The following GALNT14 variants were observed in gnomAD, a reference collection of about 807,000 sequenced individuals.
GALNT14 encodes UDP-GalNAc:polypeptide N-acetylgalactosaminyltransferase 14.
Under a neutral mutation model 77.5 loss-of-function variants are expected in GALNT14, and 60 were observed. That is an observed-to-expected ratio of 0.77 (90% CI 0.63 to 0.96). The LOEUF (loss-of-function observed/expected upper bound fraction) is 0.96, where lower values mean the gene tolerates loss of function less well. GALNT14 is among the 40% of genes least tolerant of loss of function. The pLI is 0.00. For synonymous variants in GALNT14, 280 were observed against 281.7 expected (o/e 0.99, Z 0.06); for missense variants, 710 against 731.0 (o/e 0.97, Z 0.33).
chr2:31,111,519 C>A (rs781351175), intron 1 of GALNT14, among the ~76,000 whole-genome samples: 1 of 152,076 alleles, frequency 6.6e-6, no homozygotes, highest in African/African-American at 2.4e-5. Context: ...CCTATAAGCC[C>A]CCTGTGTGGC....
chr2:31,037,797 G>T (rs969360329), intron 1 of GALNT14, among the ~76,000 whole-genome samples: 53 of 151,770 alleles, frequency 3.5e-4, no homozygotes, highest in Non-Finnish European at 2.9e-5. Flanking sequence ...AGACTTCGCT[G>T]AGAGGCTCTG....
At chr2:31,001,461 G>A (rs1204878586) in intron 1 of GALNT14, among the ~76,000 whole-genome samples, 3 of 152,160 alleles carry the variant, frequency 2.0e-5, no homozygotes, top group Admixed American at 6.6e-5. Flanking sequence ...AGGTGGAAAA[G>A]CTAAACCTGA....
intron 1 of GALNT14, among the ~76,000 whole-genome samples, chr2:31,077,783 A>T (rs1675891739): frequency 6.6e-6 from 1 of 152,240 alleles, no homozygotes; most frequent in African/African-American, 2.4e-5. Flanking sequence ...TTTGGGCGTC[A>T]TTCCTTAATT....
At chr2:31,123,355 G>A (rs952169157) in intron 1 of GALNT14, among the ~76,000 whole-genome samples, 4 of 152,030 alleles carry the variant, frequency 2.6e-5, no homozygotes, top group Non-Finnish European at 5.9e-5. Flanking sequence ...GAGAAAGTAG[G>A]GGTTGCAGTT....
At chr2:31,067,953 T>G (rs761756113) in intron 1 of GALNT14, among the ~76,000 whole-genome samples, 11 of 152,270 alleles carry the variant, frequency 7.2e-5, no homozygotes, top group Non-Finnish European at 1.5e-4. Context: ...CCCCTCATTC[T>G]GGAACCTGCT....
At position 30,979,158 on chromosome 2, in the gene GALNT14, G is replaced by C. The variant is rs191584410; in HGVS notation, c.300-12856C>G. Among the ~76,000 whole-genome samples the C allele has an allele frequency of 3.3e-5, 5 of 152,346 alleles. No individual in the cohort carries two copies. In the East Asian group the frequency reaches 7.7e-4, roughly 24 times the overall value. On this transcript the variant is annotated intron_variant, in intron 2 of 14. Transcript: ENST00000349752. Reference sequence around the variant, plus strand: ...GTGAGGAGTGATCCTTCTGCATTTAGAAAGCCAGAGTCAATGAGGAGGGCA... The same window carrying C: ...GTGAGGAGTGATCCTTCTGCATTTACAAAGCCAGAGTCAATGAGGAGGGCA...
intron 11 of GALNT14, among the ~76,000 whole-genome samples, chr2:30,926,812 G>A (rs763911525): frequency 6.6e-6 from 1 of 152,106 alleles, no homozygotes; most frequent in Non-Finnish European, 1.5e-5. Flanking sequence ...GTGCAAGGAA[G>A]TCACGAGGGA....
chr2:30,919,681 G>A (rs62139534), intron 13 of GALNT14, among the ~76,000 whole-genome samples: 1,792 of 152,336 alleles, frequency 0.012, 21 homozygotes, highest in Non-Finnish European at 0.021. Context: ...GCCTTTGAGC[G>A]TGTCCTCTGA....
At chr2:31,031,088 C>T (rs904293284) in intron 1 of GALNT14, among the ~76,000 whole-genome samples, 5 of 152,138 alleles carry the variant, frequency 3.3e-5, no homozygotes, top group South Asian at 2.1e-4. Flanking sequence ...CCTGTAATGG[C>T]GATCACCATG....
chr2:30,989,560 T>TTATATATATATATATATATA (rs57594110), intron 2 of GALNT14, among the ~76,000 whole-genome samples: 24 of 87,088 alleles, frequency 2.8e-4, no homozygotes, highest in African/African-American at 1.2e-3. Flanking sequence ...GGTAAATACC[T>TTATATATATATATATATATA]TATATATATA....
chr2:31,030,244 C>T (rs1272742678), intron 1 of GALNT14, among the ~76,000 whole-genome samples: 1 of 152,156 alleles, frequency 6.6e-6, no homozygotes, highest in East Asian at 1.9e-4. Flanking sequence ...CCATTCTTAA[C>T]TGCCAGTGTA....
chr2:31,072,652 T>C (rs140347842), intron 1 of GALNT14, among the ~76,000 whole-genome samples: 93 of 152,238 alleles, frequency 6.1e-4, no homozygotes, highest in African/African-American at 2.1e-3. Flanking sequence ...GCATCTCTCC[T>C]ATAGGATCCC....
intron 1 of GALNT14, among the ~76,000 whole-genome samples, chr2:31,017,499 T>A (rs1484313212): frequency 6.6e-6 from 1 of 152,198 alleles, no homozygotes; most frequent in African/African-American, 2.4e-5. Context: ...CTGCAGGGGA[T>A]CCAGGTTCTT....
intron 10 of GALNT14, among the ~76,000 whole-genome samples, chr2:30,930,688 G>A (rs564730760): frequency 1.3e-5 from 2 of 152,360 alleles, no homozygotes; most frequent in South Asian, 4.1e-4. Context: ...CTTTAGAGCA[G>A]AAGCATTCAA....
chr2:30,977,585 G>A (rs1668714234), intron 2 of GALNT14, among the ~76,000 whole-genome samples: 1 of 152,108 alleles, frequency 6.6e-6, no homozygotes. Flanking sequence ...CACCTGAAAG[G>A]GGAAAGTTCC....
chr2:31,116,756 A>C (rs181526240), intron 1 of GALNT14, among the ~76,000 whole-genome samples: 1 of 152,092 alleles, frequency 6.6e-6, no homozygotes, highest in African/African-American at 2.4e-5. Context: ...TCAAATAAAG[A>C]ATATTTGGCC....
intron 1 of GALNT14, among the ~76,000 whole-genome samples, chr2:30,993,257 C>T (rs1669828743): frequency 6.6e-6 from 1 of 152,228 alleles, no homozygotes; most frequent in South Asian, 2.1e-4. Context: ...ACTCACATTA[C>T]TTCATGTAGT....
intron 1 of GALNT14, among the ~76,000 whole-genome samples, chr2:31,106,326 G>T (rs181547681): frequency 6.6e-6 from 1 of 152,134 alleles, no homozygotes; most frequent in African/African-American, 2.4e-5. Context: ...TTTCTTTCAA[G>T]AACTAAAATT....
intron 1 of GALNT14, among the ~76,000 whole-genome samples, chr2:31,039,024 G>A (rs1322143415): frequency 2.6e-5 from 4 of 152,166 alleles, no homozygotes; most frequent in Admixed American, 1.3e-4. Context: ...GATTGCAGGC[G>A]TGAGCCACCG....
Sources: gnomAD v4.1 joint callset for allele counts (sites outside exome capture counted in the v4.1 genomes callset) on GRCh38, gnomAD v4.1.1 for gene constraint, MANE v1.5 for transcripts, NCBI Gene and HGNC (gene_info 2026-07-23, HGNC 2026-07-21) for gene names.